The following IL1RAPL1 variants were observed in gnomAD, a reference collection of about 807,000 sequenced individuals.
The protein encoded by IL1RAPL1 is interleukin 1 receptor accessory protein like 1, also known as interleukin-1 receptor accessory protein-like 1.
IL1RAPL1 carries 3 observed loss-of-function variants against 48.4 expected under a neutral mutation model. The ratio of observed to expected loss-of-function variants is 0.06; its 90% CI spans 0.03 to 0.16. The LOEUF is 0.16. Among genes scored for constraint, IL1RAPL1 ranks in the 10% least tolerant of loss-of-function variants. IL1RAPL1 has a pLI of 1.00. For missense variants in IL1RAPL1, 349 were observed against 530.6 expected (o/e 0.66, Z 3.36); for synonymous variants, 185 against 187.7 (o/e 0.99, Z 0.12).
At chrX:29,395,450 A>AT (rs1241026955) in intron 3 of IL1RAPL1, among the ~76,000 whole-genome samples, 1 of 111,913 alleles carries the variant, frequency 8.9e-6, no homozygotes, top group Non-Finnish European at 1.9e-5. Context: ...AAAAAACTTC[A>AT]TTTGGTCTCA....
At chrX:28,944,248 G>A (rs1001815514) in intron 2 of IL1RAPL1, among the ~76,000 whole-genome samples, 1 of 110,342 alleles carries the variant, frequency 9.1e-6, no homozygotes, top group South Asian at 3.7e-4. Flanking sequence ...AACAATTTAT[G>A]GTAGTTTCTT....
chrX:29,889,030 T>A (rs1932222221), intron 6 of IL1RAPL1, among the ~76,000 whole-genome samples: 1 of 111,988 alleles, frequency 8.9e-6, no homozygotes, highest in African/African-American at 3.2e-5. Flanking sequence ...TTTTTATGAC[T>A]AGCTGAAAAT....
chrX:29,130,056 A>G (rs1050984871), intron 2 of IL1RAPL1, among the ~76,000 whole-genome samples: 25 of 111,688 alleles, frequency 2.2e-4, no homozygotes, highest in Non-Finnish European at 3.8e-4. Flanking sequence ...TTGATACACA[A>G]AAGTCTTGGA....
chrX:28,987,796 TTAAAG>T (rs1348630663), intron 2 of IL1RAPL1, among the ~76,000 whole-genome samples: 1 of 112,024 alleles, frequency 8.9e-6, no homozygotes, highest in African/African-American at 3.2e-5. Flanking sequence ...TTGTCAGTCA[TTAAAG>T]TAAGTGTGCT....
intron 6 of IL1RAPL1, among the ~76,000 whole-genome samples, chrX:29,842,588 G>A (rs180834829): frequency 5.3e-5 from 6 of 112,323 alleles, no homozygotes; most frequent in Admixed American, 1.9e-4. Flanking sequence ...GTGTTAATTC[G>A]AAACATTTGG....
intron 8 of IL1RAPL1, among the ~76,000 whole-genome samples, chrX:29,934,774 C>T (rs1933003684): frequency 9.0e-6 from 1 of 111,562 alleles, no homozygotes; most frequent in Non-Finnish European, 1.9e-5. Context: ...AATGTGAATC[C>T]CCTAAAAACA....
intron 6 of IL1RAPL1, among the ~76,000 whole-genome samples, chrX:29,895,028 T>C (rs1932353071): frequency 9.2e-6 from 1 of 108,632 alleles, no homozygotes; most frequent in South Asian, 4.2e-4. Context: ...TTCACCATAT[T>C]GGCCAGGCTG....
At chrX:29,162,075 G>A (rs923331770) in intron 2 of IL1RAPL1, among the ~76,000 whole-genome samples, 1 of 111,685 alleles carries the variant, frequency 9.0e-6, no homozygotes, top group Non-Finnish European at 1.9e-5. Flanking sequence ...GATGAAGCTG[G>A]AAGCCATCAT....
At chrX:29,339,950 T>A (rs779284950) in intron 3 of IL1RAPL1, among the ~76,000 whole-genome samples, 21 of 111,917 alleles carry the variant, frequency 1.9e-4, no homozygotes, top group African/African-American at 6.8e-4. Context: ...ATCAGATGTT[T>A]CTGGGCAAAA....
Position 29,190,357 on chromosome X carries a change from T to C in IL1RAPL1, c.83-92581T>C, listed in dbSNP as rs766263127. The stretch of plus-strand genomic sequence containing the variant: ...TGGGTATAAGAAAGATTAAGTTTCA[T>C]TGGTTGACTCTCCAAATCGATTTCA... On this transcript the variant is annotated intron_variant, in intron 2 of 10. Transcript: ENST00000378993. Among the ~76,000 whole-genome samples the C allele has an allele frequency of 1.3e-4, 14 of 111,917 alleles. No individual in the cohort carries two copies. In the East Asian group the frequency reaches 2.5e-3, roughly 20 times the overall value.
intron 5 of IL1RAPL1, among the ~76,000 whole-genome samples, chrX:29,414,722 C>A (rs1357080544): frequency 9.0e-6 from 1 of 111,459 alleles, no homozygotes; most frequent in African/African-American, 3.3e-5. Flanking sequence ...TTTTAAAGAT[C>A]ATCTTTTCTC....
chrX:28,950,579 A>T (rs1344680194), intron 2 of IL1RAPL1, among the ~76,000 whole-genome samples: 2 of 101,494 alleles, frequency 2.0e-5, no homozygotes, highest in Non-Finnish European at 4.0e-5. Flanking sequence ...TGAGCATGGA[A>T]TGTTCTTCCA....
chrX:28,620,032 T>G (rs1934267865), intron 1 of IL1RAPL1, among the ~76,000 whole-genome samples: 1 of 110,992 alleles, frequency 9.0e-6, no homozygotes, highest in Non-Finnish European at 1.9e-5. Flanking sequence ...ACATGGATAT[T>G]CACAATGATA....
chrX:28,727,851 A>G (rs180923890), intron 1 of IL1RAPL1, among the ~76,000 whole-genome samples: 3,119 of 109,396 alleles, frequency 0.029, 124 homozygotes, highest in African/African-American at 0.099. Flanking sequence ...ATTCTCACTC[A>G]TAGGTGGGAA....
In IL1RAPL1 at chrX:29,366,809, C is replaced by A. The variant is rs188141631; in HGVS notation, c.363-29449C>A. Among the ~76,000 whole-genome samples, 1,068 of 110,081 alleles carry A rather than the reference C, an allele frequency of 9.7e-3. 11 individuals carry two copies. The highest frequency in any genetic ancestry group is 0.034 in the African/African-American group (1,020 of 30,302). ...GTCTCGATTTCCTGGCCTCGTGATC[C>A]GCCCGCCTCGGCCTCCCAAAGTGCT... is the stretch of plus-strand genomic sequence containing the variant. On this transcript the variant is annotated intron_variant, in intron 3 of 10. Transcript: ENST00000378993.
At chrX:28,946,983 G>A (rs1432040835) in intron 2 of IL1RAPL1, among the ~76,000 whole-genome samples, 1 of 112,002 alleles carries the variant, frequency 8.9e-6, no homozygotes, top group Non-Finnish European at 1.9e-5. Flanking sequence ...ATGCTAATAA[G>A]CACTCACAGT....
chrX:28,651,373 T>C lies in IL1RAPL1; in HGVS notation c.-25+63326T>C, dbSNP rs532832069. 4.9e-3 allele frequency among the ~76,000 whole-genome samples: 553 copies of C among 112,352 alleles called. 3 individuals are homozygous for C. The highest frequency in any genetic ancestry group is 0.024 in the South Asian group (66 of 2,709). ...TGTTTACATATTGTTAATGGCTGCT[T>C]TTTATTGTCTATGGTGCTTCAGCAG... On this transcript the variant is annotated intron_variant, in intron 1 of 10. Coordinates refer to ENST00000378993, the MANE Select transcript of IL1RAPL1 (RefSeq NM_014271.4).
chrX:29,739,412 G>A (rs1473814233), intron 6 of IL1RAPL1, among the ~76,000 whole-genome samples: 2 of 110,981 alleles, frequency 1.8e-5, no homozygotes, highest in African/African-American at 6.6e-5. Context: ...TTTTCATTAG[G>A]TATTTTTTCC....
chrX:28,625,144 G>T (rs768997134), intron 1 of IL1RAPL1, among the ~76,000 whole-genome samples: 2 of 111,766 alleles, frequency 1.8e-5, no homozygotes, highest in Non-Finnish European at 3.8e-5. Context: ...CTCAATTGCA[G>T]CACTGTAACT....
Sources: allele counts gnomAD v4.1 joint callset (sites outside exome capture counted in the v4.1 genomes callset), GRCh38; gene constraint gnomAD v4.1.1; transcripts MANE v1.5; gene names NCBI Gene and HGNC (gene_info 2026-07-23, HGNC 2026-07-21).